Variants in CCSER1 observed in about 807,000 individuals in gnomAD.
The protein encoded by CCSER1 is coiled-coil serine rich protein 1, also known as serine-rich coiled-coil domain-containing protein 1.
CCSER1 carries 41 observed loss-of-function variants against 82.0 expected under a neutral mutation model. The observed-to-expected ratio is 0.50, with a 90% confidence interval of 0.39 to 0.65. The LOEUF (loss-of-function observed/expected upper bound fraction) is 0.65, where lower values mean the gene tolerates loss of function less well. Among genes scored for constraint, CCSER1 ranks in the 30% least tolerant of loss-of-function variants. The pLI, the probability that CCSER1 is intolerant of heterozygous loss-of-function variation, is 0.00. For synonymous variants in CCSER1, 414 were observed against 383.9 expected (o/e 1.08, Z -0.92); for missense variants, 1,119 against 1,064.2 (o/e 1.05, Z -0.72).
intron 5 of CCSER1, among the ~76,000 whole-genome samples, chr4:90,571,840 A>G (rs1257686272): frequency 6.6e-6 from 1 of 152,124 alleles, no homozygotes; most frequent in Non-Finnish European, 1.5e-5. Context: ...TATATTGCAC[A>G]TCTCTTAAAT....
intron 10 of CCSER1, among the ~76,000 whole-genome samples, chr4:91,382,887 C>T (rs987603262): frequency 6.6e-6 from 1 of 152,036 alleles, no homozygotes; most frequent in Non-Finnish European, 1.5e-5. Flanking sequence ...CCACAGCCAC[C>T]CAAACTAGCA....
chr4:90,426,995 G>T (rs115268973), intron 4 of CCSER1, among the ~76,000 whole-genome samples: 2,559 of 152,082 alleles, frequency 0.017, 70 homozygotes, highest in African/African-American at 0.058. Context: ...TGATATATCT[G>T]CAGGAAATGA....
intron 5 of CCSER1, among the ~76,000 whole-genome samples, chr4:90,486,084 C>G (rs1767007095): frequency 6.6e-6 from 1 of 152,082 alleles, no homozygotes; most frequent in African/African-American, 2.4e-5. Context: ...ATCAGAGGTC[C>G]TTTATTGTTT....
At chr4:90,417,821 A>G (rs926714279) in intron 4 of CCSER1, among the ~76,000 whole-genome samples, 16 of 152,320 alleles carry the variant, frequency 1.1e-4, no homozygotes, top group African/African-American at 3.6e-4. Flanking sequence ...CAGAGCAGAG[A>G]TGAAACCCTA....
At chr4:91,252,004 G>A (rs1303189310) in intron 10 of CCSER1, among the ~76,000 whole-genome samples, 2 of 152,096 alleles carry the variant, frequency 1.3e-5, no homozygotes, top group Non-Finnish European at 2.9e-5. Flanking sequence ...TAAACTACAA[G>A]TAAGAAGAAC....
At chr4:90,845,268 A>G (rs1763074173) in intron 8 of CCSER1, among the ~76,000 whole-genome samples, 1 of 151,880 alleles carries the variant, frequency 6.6e-6, no homozygotes, top group Admixed American at 6.6e-5. Context: ...CGGCTAAGAC[A>G]GAAAAATCGC....
chr4:90,387,633 C>T (rs976469212), intron 3 of CCSER1, among the ~76,000 whole-genome samples: 1 of 152,152 alleles, frequency 6.6e-6, no homozygotes, highest in Non-Finnish European at 1.5e-5. Context: ...TGTAGTCAAT[C>T]AATCAATCAG....
intron 9 of CCSER1, among the ~76,000 whole-genome samples, chr4:91,000,886 C>A (rs887152466): frequency 9.2e-5 from 14 of 152,002 alleles, no homozygotes; most frequent in African/African-American, 3.4e-4. Flanking sequence ...AAGTTGAATT[C>A]TTCCTTTCCT....
At chr4:91,319,275 C>T (rs191148805) in intron 10 of CCSER1, 155 of 201,616 alleles carry the variant, frequency 7.7e-4, no homozygotes, top group African/African-American at 3.0e-3. Context: ...TCAAATAAGA[C>T]GTGATTTGAC....
chr4:90,998,911 G>T lies in CCSER1; in HGVS notation c.2172+75464G>T, dbSNP rs538085715. Among the ~76,000 whole-genome samples the T allele has an allele frequency of 1.4e-4, 21 of 152,144 alleles. No individual in the cohort carries two copies. The East Asian group carries it at 3.5e-3, about 25-fold the overall frequency. On this transcript the variant is annotated intron_variant, in intron 9 of 10. Transcript: ENST00000509176. ...TCCCTCCATGCCCTAGTAGTCCCCA[G>T]TGTCTATTGTTGCTGTCTTTATGTC...
intron 10 of CCSER1, among the ~76,000 whole-genome samples, chr4:91,498,760 T>C (rs948280478): frequency 6.6e-6 from 1 of 151,948 alleles, no homozygotes; most frequent in African/African-American, 2.4e-5. Context: ...TAATATCCAC[T>C]TCTCTTTTTA....
intron 10 of CCSER1, among the ~76,000 whole-genome samples, chr4:91,306,746 T>A (rs1484864885): frequency 1.3e-5 from 2 of 152,046 alleles, no homozygotes; most frequent in African/African-American, 4.8e-5. Flanking sequence ...GTTCTCACAA[T>A]GAAGTGTAAG....
intron 5 of CCSER1, among the ~76,000 whole-genome samples, chr4:90,566,160 A>G (rs1248461025): frequency 1.3e-5 from 2 of 151,816 alleles, no homozygotes; most frequent in Non-Finnish European, 2.9e-5. Context: ...ACCAAGCCAC[A>G]AATGATCTTT....
chr4:90,839,066 C>T (rs61755899), intron 8 of CCSER1: 44 of 1,602,872 alleles, frequency 2.7e-5, no homozygotes, highest in Middle Eastern at 4.5e-4. Context: ...GAGCGAGGCG[C>T]GCGAGTACGA....
intron 3 of CCSER1, among the ~76,000 whole-genome samples, chr4:90,319,369 A>G (rs930199399): frequency 2.6e-5 from 4 of 152,116 alleles, no homozygotes; most frequent in Admixed American, 2.6e-4. Context: ...AAAACAAGAC[A>G]GCCTGGGTGC....
intron 4 of CCSER1, among the ~76,000 whole-genome samples, chr4:90,428,260 A>G (rs182844804): frequency 2.7e-4 from 41 of 151,864 alleles, no homozygotes; most frequent in Non-Finnish European, 5.8e-4. Context: ...CTCTCCAACA[A>G]CATCAACAAA....
At chr4:90,783,464 T>C (rs1754081524) in intron 7 of CCSER1, among the ~76,000 whole-genome samples, 1 of 152,112 alleles carries the variant, frequency 6.6e-6, no homozygotes, top group Admixed American at 6.5e-5. Context: ...TGGACTAGCT[T>C]GAGAGTAAGA....
intron 6 of CCSER1, among the ~76,000 whole-genome samples, chr4:90,693,166 A>C (rs1347907452): frequency 6.6e-6 from 1 of 151,918 alleles, no homozygotes. Context: ...ATTTTATTGC[A>C]TGCTTGTTAA....
intron 10 of CCSER1, among the ~76,000 whole-genome samples, chr4:91,568,286 T>A (rs1248517986): frequency 6.6e-6 from 1 of 152,170 alleles, no homozygotes; most frequent in Non-Finnish European, 1.5e-5. Flanking sequence ...ACATTCTTGC[T>A]TTCATTGTGA....
Sources: gnomAD v4.1 joint callset for allele counts (sites outside exome capture counted in the v4.1 genomes callset) on GRCh38, gnomAD v4.1.1 for gene constraint, MANE v1.5 for transcripts, NCBI Gene and HGNC (gene_info 2026-07-23, HGNC 2026-07-21) for gene names.